Variants in GLT1D1 observed in about 807,000 individuals in gnomAD.
GLT1D1 encodes glycosyltransferase 1 domain-containing protein 1.
GLT1D1 carries 21 observed loss-of-function variants against 28.7 expected under a neutral mutation model. The observed-to-expected ratio is 0.73, with a 90% confidence interval of 0.52 to 1.05. The LOEUF (loss-of-function observed/expected upper bound fraction) is 1.05. Ranked by LOEUF, GLT1D1 falls within the 50% of genes least tolerant of loss-of-function variation. GLT1D1 has a pLI of 0.00. For synonymous variants in GLT1D1, 147 were observed against 124.8 expected, an observed-to-expected ratio of 1.18 and a Z score of -1.19; for missense variants, 343 against 330.6, an observed-to-expected ratio of 1.04 and a Z score of -0.29.
chr12:128,858,241 T>C (rs1479230193), intron 1 of GLT1D1, among the ~76,000 whole-genome samples: 1 of 152,172 alleles, frequency 6.6e-6, no homozygotes, highest in Non-Finnish European at 1.5e-5. Context: ...TATCGTGACT[T>C]ACCTTCCAGT....
chr12:128,961,112 T>C (rs1219136810), intron 7 of GLT1D1, among the ~76,000 whole-genome samples: 1 of 152,214 alleles, frequency 6.6e-6, no homozygotes, highest in Non-Finnish European at 1.5e-5. Flanking sequence ...TTTCATTTTG[T>C]GAATCTTTTA....
intron 7 of GLT1D1, among the ~76,000 whole-genome samples, chr12:128,961,781 T>A (rs1877974200): frequency 1.3e-5 from 2 of 152,174 alleles, no homozygotes; most frequent in Admixed American, 1.3e-4. Context: ...AACAGCCTCA[T>A]AGACACACCC....
chr12:128,951,774 C>T (rs144153162), intron 6 of GLT1D1, among the ~76,000 whole-genome samples: 50 of 152,348 alleles, frequency 3.3e-4, no homozygotes, highest in Admixed American at 2.1e-3. Context: ...CTCCTTAAGA[C>T]GTTTCCTTTG....
At chr12:128,977,931 T>TGCCACCATGACTAGCTA (rs1316446264) in intron 7 of GLT1D1, among the ~76,000 whole-genome samples, 22 of 151,774 alleles carry the variant, frequency 1.4e-4, no homozygotes, top group African/African-American at 5.3e-4. Flanking sequence ...TACAGGTGTG[T>TGCCACCATGACTAGCTA]GCCACCATGA....
At chr12:128,925,300 A>G (rs190736992) in intron 4 of GLT1D1, among the ~76,000 whole-genome samples, 3 of 152,326 alleles carry the variant, frequency 2.0e-5, no homozygotes, top group Non-Finnish European at 4.4e-5. Flanking sequence ...GTTAAGCCCA[A>G]GCATCCATTA....
At chr12:128,874,134 CTTTCTT>C (rs1956811089) in intron 1 of GLT1D1, among the ~76,000 whole-genome samples, 3 of 64,996 alleles carry the variant, frequency 4.6e-5, no homozygotes, top group African/African-American at 1.5e-4. Context: ...CTCTTTCTTT[CTTTCTT>C]TCTTTCTTTC....
intron 2 of GLT1D1, among the ~76,000 whole-genome samples, chr12:128,879,378 T>TTCTTTCTTTCTTTC: frequency 2.9e-5 from 2 of 69,976 alleles, no homozygotes; most frequent in African/African-American, 5.4e-5. Flanking sequence ...ATTTTTTTCT[T>TTCTTTCTTTCTTTC]TTTCTTTCTT....
intron 4 of GLT1D1, among the ~76,000 whole-genome samples, chr12:128,929,912 G>T (rs1873685946): frequency 6.6e-6 from 1 of 152,202 alleles, no homozygotes; most frequent in Non-Finnish European, 1.5e-5. Context: ...GGAAGCGGAG[G>T]TTGCAGTGAG....
At chr12:128,933,817 C>T (rs545712265) in intron 4 of GLT1D1, among the ~76,000 whole-genome samples, 1 of 152,240 alleles carries the variant, frequency 6.6e-6, no homozygotes, top group South Asian at 2.1e-4. Context: ...CTTCTGAATA[C>T]AGAACTAGGA....
At chr12:128,975,699 G>C (rs111230538) in intron 7 of GLT1D1, among the ~76,000 whole-genome samples, 2 of 152,090 alleles carry the variant, frequency 1.3e-5, no homozygotes, top group Non-Finnish European at 2.9e-5. Flanking sequence ...TGATCCACCC[G>C]CCTTGGGCTC....
At chr12:128,970,574 G>T (rs538846980) in intron 7 of GLT1D1, among the ~76,000 whole-genome samples, 1 of 152,348 alleles carries the variant, frequency 6.6e-6, no homozygotes, top group East Asian at 1.9e-4. Context: ...AAATGCCACT[G>T]CTGGCCTGGC....
chr12:128,911,643 C>T (rs139899147), intron 4 of GLT1D1, among the ~76,000 whole-genome samples: 2 of 152,296 alleles, frequency 1.3e-5, no homozygotes, highest in Non-Finnish European at 2.9e-5. Context: ...TGCTCCATCA[C>T]TCTGCTCCTG....
intron 4 of GLT1D1, chr12:128,945,001 G>T: frequency 1.7e-6 from 1 of 595,602 alleles, no homozygotes; most frequent in Non-Finnish European, 3.0e-6. Flanking sequence ...CTGTGTCCAT[G>T]TGTTCTCATT....
At chr12:128,935,336 G>A (rs1431874229) in intron 4 of GLT1D1, among the ~76,000 whole-genome samples, 1 of 152,134 alleles carries the variant, frequency 6.6e-6, no homozygotes, top group African/African-American at 2.4e-5. Flanking sequence ...GAGGTCAGGT[G>A]TTCGAGACCA....
At chr12:128,914,413 G>T (rs1411794304) in intron 4 of GLT1D1, among the ~76,000 whole-genome samples, 1 of 152,124 alleles carries the variant, frequency 6.6e-6, no homozygotes, top group African/African-American at 2.4e-5. Context: ...TTCTCATGTG[G>T]AATCCATGGG....
Position 128,941,791 on chromosome 12 carries a change from G to A in GLT1D1, c.376-3535G>A, listed in dbSNP as rs73153448. Among the ~76,000 whole-genome samples the A allele has an allele frequency of 2.7e-3, 402 of 151,500 alleles. 1 individual carries two copies. The highest frequency in any genetic ancestry group is 6.8e-3 in the Middle Eastern group (2 of 292). ...CAGGCTTTCACCATGTTGGCCAGCAGGCGGGTCTCGAACTCTTGATCACAT... is the reference window on the plus strand; with the variant it reads ...CAGGCTTTCACCATGTTGGCCAGCAAGCGGGTCTCGAACTCTTGATCACAT... On this transcript the variant is annotated intron_variant, in intron 4 of 7. Transcript: ENST00000281703.
At chr12:128,907,217 C>T (rs1160563652) in intron 4 of GLT1D1, among the ~76,000 whole-genome samples, 1 of 152,018 alleles carries the variant, frequency 6.6e-6, no homozygotes, top group Non-Finnish European at 1.5e-5. Context: ...ACGTGGGTTT[C>T]ACCTCTAGAC....
At chr12:128,918,421 G>A (rs548513614) in intron 4 of GLT1D1, among the ~76,000 whole-genome samples, 60 of 152,204 alleles carry the variant, frequency 3.9e-4, no homozygotes, top group South Asian at 2.1e-4. Flanking sequence ...CATGGCACAC[G>A]TTTACCTGTG....
At chr12:128,900,267 G>A (rs2135855065) in intron 4 of GLT1D1, among the ~76,000 whole-genome samples, 1 of 152,374 alleles carries the variant, frequency 6.6e-6, no homozygotes, top group African/African-American at 2.4e-5. Context: ...TGCATGCCCT[G>A]ATCATTTGCA....
Sources: gnomAD v4.1 joint callset for allele counts (sites outside exome capture counted in the v4.1 genomes callset) on GRCh38, gnomAD v4.1.1 for gene constraint, MANE v1.5 for transcripts, NCBI Gene and HGNC (gene_info 2026-07-23, HGNC 2026-07-21) for gene names.